Variants in SFMBT1 observed in about 807,000 individuals in gnomAD.
SFMBT1 encodes scm-like with four MBT domains protein 1.
Under a neutral mutation model 108.7 loss-of-function variants are expected in SFMBT1, and 32 were observed. The observed-to-expected ratio is 0.29, with a 90% confidence interval of 0.22 to 0.40. SFMBT1 has a LOEUF of 0.40. Ranked by LOEUF, SFMBT1 falls within the 10% of genes least tolerant of loss-of-function variation. The pLI is 1.00. For synonymous variants in SFMBT1, 348 were observed against 369.5 expected (o/e 0.94, Z 0.67); for missense variants, 816 against 1,059.6 (o/e 0.77, Z 3.19).
rs13321555 is a variant in SFMBT1 at position 53,033,412 on chromosome 3, C to T, written c.-131+12404G>A. 7.4e-3 allele frequency among the ~76,000 whole-genome samples: 1,120 copies of T among 152,190 alleles called. 15 individuals are homozygous for T. Among genetic ancestry groups the T allele is most frequent in the African/African-American group, 0.025 (1,045 of 41,514 alleles). Reference sequence around the variant, plus strand: ...CTGACCTCAAGTGATCCACCCGCCTCGGCCTCCCAAAGTGCTGGGACTGCA... The same window carrying T: ...CTGACCTCAAGTGATCCACCCGCCTTGGCCTCCCAAAGTGCTGGGACTGCA... On this transcript the variant is annotated intron_variant, in intron 1 of 20. Coordinates refer to ENST00000394752, the MANE Select transcript of SFMBT1 (RefSeq NM_016329.4).
chr3:53,036,969 G>T (rs542593785), intron 1 of SFMBT1, among the ~76,000 whole-genome samples: 1 of 152,314 alleles, frequency 6.6e-6, no homozygotes, highest in South Asian at 2.1e-4. Context: ...GGGAGAAAAT[G>T]AAGGTCACAA....
intron 1 of SFMBT1, among the ~76,000 whole-genome samples, chr3:52,993,333 C>T (rs925677502): frequency 3.3e-5 from 5 of 150,030 alleles, no homozygotes; most frequent in African/African-American, 7.3e-5. Context: ...TTATATTACA[C>T]GTAAAAGTCC....
chr3:53,029,194 A>G (rs1460631071), intron 1 of SFMBT1, among the ~76,000 whole-genome samples: 2 of 151,276 alleles, frequency 1.3e-5, no homozygotes, highest in Non-Finnish European at 2.9e-5. Flanking sequence ...AAAAAAAAAA[A>G]GTCATGGGCT....
chr3:52,921,478 G>A (rs1473506095), intron 11 of SFMBT1, among the ~76,000 whole-genome samples: 3 of 152,074 alleles, frequency 2.0e-5, no homozygotes, highest in African/African-American at 7.2e-5. Flanking sequence ...AGAAAATAGG[G>A]GACTCTGTAG....
chr3:53,027,666 G>A (rs1208544293), intron 1 of SFMBT1, among the ~76,000 whole-genome samples: 1 of 152,184 alleles, frequency 6.6e-6, no homozygotes. Flanking sequence ...GTGTGCACAT[G>A]GGCCAATCAG....
At chr3:52,921,937 G>T in intron 10 of SFMBT1, 106 bp from the exon 11 acceptor site, 1 of 1,117,210 alleles carries the variant, frequency 9.0e-7, no homozygotes, top group Non-Finnish European at 1.3e-6. Flanking sequence ...TAGGTTTAAA[G>T]ATAACATTTA....
chr3:52,965,153 C>G lies in SFMBT1; in HGVS notation c.28+3948G>C, dbSNP rs767211942. ...TTAGGTTGAGACTATTCCCTTCCCT[C>G]TTCCTTCTCCAGCTCAAAAATAAAA... On this transcript the variant is annotated intron_variant, in intron 2 of 20. Transcript: ENST00000394752. 1.3e-5 allele frequency among the ~76,000 whole-genome samples: 2 copies of G among 152,040 alleles called. 1 individual carries two copies. Among genetic ancestry groups the G allele is most frequent in the South Asian group, 4.1e-4 (2 of 4,826 alleles).
rs1319054760 is a variant in SFMBT1, at chr3:53,044,876, G to A, written c.-131+940C>T. ...TGAGCACAAGCTCTGGGGGTGACCT[G>A]TGCCTGCCGGCTTAGTTTTAGACCC... is the stretch of plus-strand genomic sequence containing the variant. On this transcript the variant is annotated intron_variant, in intron 1 of 20. Transcript: ENST00000394752. 2.6e-5 allele frequency: 4 copies of A among 152,464 alleles called. No individual in the cohort carries two copies. In the East Asian group the frequency reaches 7.7e-4, roughly 29 times the overall value. 9.4% of individuals were successfully genotyped at this position (152,464 alleles called of 1,614,324 possible). A position where few individuals can be genotyped will look rare whatever the true frequency, so the allele number is the denominator to read the frequency against.
chr3:52,966,624 CAAA>C (rs35044878), intron 2 of SFMBT1, among the ~76,000 whole-genome samples: 15 of 48,410 alleles, frequency 3.1e-4, no homozygotes, highest in South Asian at 1.1e-3. Flanking sequence ...GACTCAGTCT[CAAA>C]AAAAAAAAAA....
At chr3:53,037,183 G>A (rs1052262099) in intron 1 of SFMBT1, among the ~76,000 whole-genome samples, 1 of 152,188 alleles carries the variant, frequency 6.6e-6, no homozygotes, top group African/African-American at 2.4e-5. Context: ...CTGGCTGCGG[G>A]ATCATGCAGC....
At chr3:53,044,401 A>G (rs1667320710) in intron 1 of SFMBT1, among the ~76,000 whole-genome samples, 2 of 152,210 alleles carry the variant, frequency 1.3e-5, no homozygotes, top group South Asian at 4.1e-4. Context: ...GACAACGGTA[A>G]TAACAGAACT....
chr3:52,969,332 C>T (rs1470997756), intron 1 of SFMBT1, 74 bp from the exon 2 acceptor site: 7 of 1,380,638 alleles, frequency 5.1e-6, no homozygotes, highest in Admixed American at 3.1e-5. Context: ...ACAGGGCACT[C>T]GACTGGTTGA....
chr3:52,920,470 T>C (rs1162519609), intron 12 of SFMBT1, 67 bp downstream of exon 12: 1 of 1,170,278 alleles, frequency 8.5e-7, no homozygotes, highest in African/African-American at 1.5e-5. Flanking sequence ...AGATTAGTTT[T>C]AATTGGCAGC....
chr3:52,911,251 T>C (rs1375019659), intron 16 of SFMBT1, 73 bp from the exon 17 acceptor site: 2 of 1,432,520 alleles, frequency 1.4e-6, no homozygotes, highest in Non-Finnish European at 1.9e-6. Context: ...AACATATTAA[T>C]ACACCTAAAA....
intron 2 of SFMBT1, among the ~76,000 whole-genome samples, chr3:52,957,339 A>G (rs1021087696): frequency 6.6e-6 from 1 of 152,236 alleles, no homozygotes; most frequent in African/African-American, 2.4e-5. Context: ...AAACAAATGG[A>G]AAAACATTCC....
chr3:52,944,652 TG>T (rs1703298574), intron 3 of SFMBT1, among the ~76,000 whole-genome samples: 1 of 152,014 alleles, frequency 6.6e-6, no homozygotes, highest in African/African-American at 2.4e-5. Context: ...CCTGAGTAGT[TG>T]GGGTTACAGG....
At chr3:52,960,122 A>T (rs2336669) in intron 2 of SFMBT1, among the ~76,000 whole-genome samples, 2 of 151,348 alleles carry the variant, frequency 1.3e-5, no homozygotes, top group Admixed American at 1.3e-4. Flanking sequence ...GTTGACACAG[A>T]TAAGTCTCAA....
At chr3:52,930,518 A>G (rs1239579442) in intron 7 of SFMBT1, 88 bp from the exon 8 acceptor site, 11 of 776,538 alleles carry the variant, frequency 1.4e-5, no homozygotes, top group Middle Eastern at 2.3e-4. Context: ...AGAAATGTCC[A>G]GCTCTGGTAA....
chr3:52,969,307 T>C (rs1034538916), intron 1 of SFMBT1, 49 bp from the exon 2 acceptor site: 4 of 1,450,988 alleles, frequency 2.8e-6, no homozygotes, highest in Non-Finnish European at 3.6e-6. Flanking sequence ...CCAAGTGTGC[T>C]CACTCACTCA....
Sources: gnomAD v4.1 joint callset for allele counts (sites outside exome capture counted in the v4.1 genomes callset) on GRCh38, gnomAD v4.1.1 for gene constraint, MANE v1.5 for transcripts, NCBI Gene and HGNC (gene_info 2026-07-23, HGNC 2026-07-21) for gene names.